Variants in CACNG2 observed in about 807,000 individuals in gnomAD.
The protein encoded by CACNG2 is voltage-dependent calcium channel gamma-2 subunit.
In CACNG2, 3 loss-of-function variants were observed where a neutral mutation model predicts 25.9. That is an observed-to-expected ratio of 0.12 (90% confidence interval 0.05 to 0.30). The LOEUF (loss-of-function observed/expected upper bound fraction) is 0.30, where lower values mean the gene tolerates loss of function less well. Ranked by LOEUF, CACNG2 falls within the 10% of genes least tolerant of loss-of-function variation. The pLI is 1.00. For missense variants in CACNG2, 341 were observed against 432.5 expected, an observed-to-expected ratio of 0.79 and a Z score of 1.88; for synonymous variants, 167 against 173.3, an observed-to-expected ratio of 0.96 and a Z score of 0.29.
intron 1 of CACNG2, among the ~76,000 whole-genome samples, chr22:36,631,181 G>T (rs933019326): frequency 4.6e-5 from 7 of 152,162 alleles, no homozygotes; most frequent in Admixed American, 2.6e-4. Context: ...CTCGGTACAC[G>T]TGTGAGATGA....
At chr22:36,675,693 C>T (rs949968456) in intron 1 of CACNG2, among the ~76,000 whole-genome samples, 1 of 152,222 alleles carries the variant, frequency 6.6e-6, no homozygotes, top group Non-Finnish European at 1.5e-5. Context: ...CTCACAGCTC[C>T]CCATCTCCGT....
chr22:36,676,803 G>T (rs547635941), intron 1 of CACNG2, among the ~76,000 whole-genome samples: 1 of 152,212 alleles, frequency 6.6e-6, no homozygotes, highest in Non-Finnish European at 1.5e-5. Context: ...ATCCGGTGCT[G>T]TTCCCTCTAC....
intron 1 of CACNG2, among the ~76,000 whole-genome samples, chr22:36,627,544 T>C (rs1389733125): frequency 6.6e-6 from 1 of 152,162 alleles, no homozygotes; most frequent in Non-Finnish European, 1.5e-5. Context: ...CTTTGAATTT[T>C]ACATTCTCAG....
chr22:36,694,307 T>A (rs1937305069), intron 1 of CACNG2, among the ~76,000 whole-genome samples: 1 of 152,194 alleles, frequency 6.6e-6, no homozygotes, highest in Non-Finnish European at 1.5e-5. Context: ...GGTAGACAGG[T>A]CATTTTACAA....
At chr22:36,566,234 G>T in intron 3 of CACNG2, 119 bp downstream of exon 3, 1 of 1,051,190 alleles carries the variant, frequency 9.5e-7, no homozygotes, top group Non-Finnish European at 1.5e-6. Flanking sequence ...ACGACCTAGT[G>T]CAAGTCTTGG....
At chr22:36,668,802 C>T (rs1409041463) in intron 1 of CACNG2, among the ~76,000 whole-genome samples, 6 of 152,090 alleles carry the variant, frequency 3.9e-5, no homozygotes, top group Admixed American at 6.6e-5. Flanking sequence ...CGGGCCCAGC[C>T]GGGTGTAAGT....
intron 1 of CACNG2, among the ~76,000 whole-genome samples, chr22:36,635,898 G>C (rs1936350223): frequency 6.6e-6 from 1 of 152,116 alleles, no homozygotes; most frequent in Non-Finnish European, 1.5e-5. Flanking sequence ...CAATCCGTTA[G>C]GTCCTAAAAA....
At chr22:36,661,453 G>A (rs1241643712) in intron 1 of CACNG2, among the ~76,000 whole-genome samples, 1 of 152,180 alleles carries the variant, frequency 6.6e-6, no homozygotes, top group Non-Finnish European at 1.5e-5. Flanking sequence ...ATGGGAATGG[G>A]ATGTCAGGAG....
At chr22:36,569,810 G>C (rs1345112798) in intron 2 of CACNG2, among the ~76,000 whole-genome samples, 2 of 152,198 alleles carry the variant, frequency 1.3e-5, no homozygotes, top group Admixed American at 6.5e-5. Flanking sequence ...AAAGTGCTGG[G>C]ATTACAGGCC....
intron 1 of CACNG2, among the ~76,000 whole-genome samples, chr22:36,652,878 A>C (rs955513820): frequency 6.6e-6 from 1 of 152,178 alleles, no homozygotes; most frequent in Non-Finnish European, 1.5e-5. Context: ...AAGAGCTCTC[A>C]GGGCCATGTT....
intron 1 of CACNG2, among the ~76,000 whole-genome samples, chr22:36,653,950 T>C (rs1936663615): frequency 6.9e-6 from 1 of 144,230 alleles, no homozygotes; most frequent in Admixed American, 7.0e-5. Context: ...CTCCGGTAAG[T>C]ACAGTGTGTT....
chr22:36,658,048 T>C (rs1936734380), intron 1 of CACNG2, among the ~76,000 whole-genome samples: 1 of 152,114 alleles, frequency 6.6e-6, no homozygotes, highest in African/African-American at 2.4e-5. Context: ...TCCTCTAAGG[T>C]TGTCATAATA....
rs117332339 is a variant in CACNG2 at position 36,633,678 on chromosome 22, A to G, written c.212-46130T>C. Among the ~76,000 whole-genome samples the G allele has an allele frequency of 3.7e-4, 57 of 152,312 alleles. No homozygotes were observed. In the Middle Eastern group the frequency reaches 0.017, roughly 45 times the overall value. On this transcript the variant is annotated intron_variant, in intron 1 of 3. Coordinates refer to ENST00000300105, the MANE Select transcript of CACNG2 (RefSeq NM_006078.5). Reference sequence around the variant, plus strand: ...GAAACAAAAACATTCTGACATTTTAAGAGCTTAATTTACTCACGATAAAAG... The same window carrying G: ...GAAACAAAAACATTCTGACATTTTAGGAGCTTAATTTACTCACGATAAAAG...
chr22:36,643,517 T>TA (rs1442898786), intron 1 of CACNG2, among the ~76,000 whole-genome samples: 1 of 149,218 alleles, frequency 6.7e-6, no homozygotes, highest in Non-Finnish European at 1.5e-5. Flanking sequence ...TCTATCTATC[T>TA]ATCTATCCAT....
At chr22:36,615,744 G>A (rs1369491485) in intron 1 of CACNG2, among the ~76,000 whole-genome samples, 3 of 148,080 alleles carry the variant, frequency 2.0e-5, no homozygotes. Flanking sequence ...TGACTGGCAT[G>A]TAGCAGGTGC....
intron 1 of CACNG2, among the ~76,000 whole-genome samples, chr22:36,653,352 A>T (rs1217135326): frequency 7.1e-6 from 1 of 140,702 alleles, no homozygotes; most frequent in Non-Finnish European, 1.5e-5. Context: ...CAAAAAACGG[A>T]TGAGTTGCTA....
intron 1 of CACNG2, among the ~76,000 whole-genome samples, chr22:36,684,731 GATTTT>G (rs1240505091): frequency 7.2e-5 from 11 of 152,016 alleles, no homozygotes; most frequent in African/African-American, 2.7e-4. Flanking sequence ...CCTTTATACA[GATTTT>G]ATTTTAATTT....
At chr22:36,638,749 G>A (rs1048626715) in intron 1 of CACNG2, among the ~76,000 whole-genome samples, 25 of 152,076 alleles carry the variant, frequency 1.6e-4, no homozygotes, top group African/African-American at 6.0e-4. Flanking sequence ...TGAAGGTTAA[G>A]GACCAGGACA....
chr22:36,565,250 C>G (rs1638980090), intron 3 of CACNG2, among the ~76,000 whole-genome samples: 2 of 152,206 alleles, frequency 1.3e-5, no homozygotes, highest in Admixed American at 6.5e-5. Context: ...GAAACAAGCA[C>G]AGAGAGGTTA....
Sources: allele counts gnomAD v4.1 joint callset (sites outside exome capture counted in the v4.1 genomes callset), GRCh38; gene constraint gnomAD v4.1.1; transcripts MANE v1.5; gene names NCBI Gene and HGNC (gene_info 2026-07-23, HGNC 2026-07-21).